SPRED2: variants seen among roughly 807,000 people sequenced by gnomAD.
SPRED2 encodes sprouty related EVH1 domain containing 2.
SPRED2 carries 47 observed loss-of-function variants against 43.0 expected under a neutral mutation model. The observed-to-expected ratio is 1.09, with a 90% CI of 0.87 to 1.40. SPRED2 has a LOEUF of 1.40. Among genes scored for constraint, SPRED2 ranks in the 40% most tolerant of loss-of-function variants. The pLI is 0.00. For missense variants in SPRED2, 561 were observed against 586.4 expected, an observed-to-expected ratio of 0.96 and a Z score of 0.45; for synonymous variants, 225 against 225.7, an observed-to-expected ratio of 1.00 and a Z score of 0.03.
intron 1 of SPRED2, among the ~76,000 whole-genome samples, chr2:65,349,392 C>T (rs999955472): frequency 6.6e-6 from 1 of 151,866 alleles, no homozygotes; most frequent in African/African-American, 2.4e-5. Context: ...TCCTTTCCCC[C>T]ACTCCAACCC....
At chr2:65,377,467 G>A (rs1468754028) in intron 1 of SPRED2, 4 of 402,382 alleles carry the variant, frequency 9.9e-6, no homozygotes, top group South Asian at 1.8e-5. Flanking sequence ...TCCTCTTGCC[G>A]ACCCCCCAAA....
At chr2:65,371,190 AT>A (rs5831752) in intron 1 of SPRED2, among the ~76,000 whole-genome samples, 36 of 151,946 alleles carry the variant, frequency 2.4e-4, no homozygotes, top group Middle Eastern at 3.4e-3. Context: ...CATACTGAAT[AT>A]TTTTTTTGGC....
At chr2:65,339,633 C>T (rs1165794300) in intron 2 of SPRED2, among the ~76,000 whole-genome samples, 3 of 151,012 alleles carry the variant, frequency 2.0e-5, no homozygotes, top group Non-Finnish European at 4.4e-5. Context: ...TGTCTGCTGA[C>T]CTTCCCTCCA....
At chr2:65,422,098 ACACACACTCTCT>A (rs1383338449) in intron 1 of SPRED2, among the ~76,000 whole-genome samples, 4 of 113,094 alleles carry the variant, frequency 3.5e-5, no homozygotes, top group Admixed American at 1.7e-4. Context: ...ACACACACAC[ACACACACTCTCT>A]CTCTCTCTCT....
intron 1 of SPRED2, among the ~76,000 whole-genome samples, chr2:65,425,030 A>T (rs766315081): frequency 6.6e-6 from 1 of 152,268 alleles, no homozygotes; most frequent in Non-Finnish European, 1.5e-5. Context: ...TGCGTATCTG[A>T]AAAGTCAGTA....
At chr2:65,429,348 C>T (rs1676626002) in intron 1 of SPRED2, among the ~76,000 whole-genome samples, 2 of 152,160 alleles carry the variant, frequency 1.3e-5, no homozygotes, top group South Asian at 4.1e-4. Flanking sequence ...AAGTAGCAAA[C>T]CCTGCCTGGT....
At chr2:65,409,015 C>T (rs111255337) in intron 1 of SPRED2, among the ~76,000 whole-genome samples, 4 of 152,168 alleles carry the variant, frequency 2.6e-5, no homozygotes, top group African/African-American at 9.7e-5. Context: ...ATTTACAGAT[C>T]ACCTCTTCAT....
Position 65,312,520 on chromosome 2 carries a change from G to A in SPRED2, c.*981C>T, listed in dbSNP as rs533513741. 156 of 985,364 alleles carry A rather than the reference G, an allele frequency of 1.6e-4. No individual in the cohort carries two copies. Among genetic ancestry groups the A allele is most frequent in the Admixed American group, 2.5e-4 (4 of 16,282 alleles). 61.0% of individuals were successfully genotyped at this position (985,364 alleles called of 1,614,324 possible). A position where few individuals can be genotyped will look rare whatever the true frequency, so the allele number is the denominator to read the frequency against. On this transcript the variant is annotated 3_prime_UTR_variant, in exon 6 of 6. Coordinates refer to ENST00000356388, the MANE Select transcript of SPRED2 (RefSeq NM_181784.3). ...AGTGTTTCTCAACTGGAACTTGTTC[G>A]TGGGAACACTGATTTGTGTTTGAGG...
At position 65,332,015 on chromosome 2, in the gene SPRED2, G is replaced by C. The variant is rs1673827121; in HGVS notation, c.410C>G (p.Ala137Gly). Residue 137 changes from alanine (A) to glycine (G), a missense_variant, in exon 4 of 6, where the codon GCT becomes GGT. Physicochemically the swap from Ala to Gly is moderately conservative, Grantham distance 60. Coordinates refer to ENST00000356388, the MANE Select transcript of SPRED2 (RefSeq NM_181784.3). ...TTSSSTIHNE[A>G]ELGDDDVFTT... ...AAAAACGTCATCATCGCCAAGCTCAGCTTCATTATGGATGGTGGAAGATGA... is the reference window on the plus strand; with the variant it reads ...AAAAACGTCATCATCGCCAAGCTCACCTTCATTATGGATGGTGGAAGATGA... 1.9e-6 allele frequency: 3 copies of C among 1,609,598 alleles called. No homozygotes were observed. The highest frequency in any genetic ancestry group is 2.7e-5 in the African/African-American group (2 of 74,930).
chr2:65,419,637 G>C (rs1324035983), intron 1 of SPRED2, among the ~76,000 whole-genome samples: 1 of 151,464 alleles, frequency 6.6e-6, no homozygotes, highest in African/African-American at 2.4e-5. Context: ...TGTGAGCCAA[G>C]AAAAATATAT....
At chr2:65,336,986 T>C (rs1308293239) in intron 2 of SPRED2, among the ~76,000 whole-genome samples, 1 of 152,124 alleles carries the variant, frequency 6.6e-6, no homozygotes, top group Non-Finnish European at 1.5e-5. Context: ...CGGGCACCTG[T>C]AGTCCCAGCT....
intron 1 of SPRED2, among the ~76,000 whole-genome samples, chr2:65,350,395 T>C (rs1459647600): frequency 6.6e-6 from 1 of 150,758 alleles, no homozygotes; most frequent in Non-Finnish European, 1.5e-5. Flanking sequence ...CTAGTGAAGC[T>C]CCAGCCAAGG....
intron 1 of SPRED2, among the ~76,000 whole-genome samples, chr2:65,401,101 G>A (rs2103722535): frequency 6.6e-6 from 1 of 151,708 alleles, no homozygotes; most frequent in African/African-American, 2.4e-5. Flanking sequence ...CTGAATAGCT[G>A]GAACTACAGA....
intron 1 of SPRED2, chr2:65,366,832 A>G (rs745609716): frequency 3.3e-6 from 4 of 1,207,934 alleles, no homozygotes; most frequent in Non-Finnish European, 4.1e-6. Context: ...CATTACTCAC[A>G]TTCAACATCC....
At chr2:65,346,868 C>CTCTT (rs1674364686) in intron 1 of SPRED2, among the ~76,000 whole-genome samples, 1 of 152,166 alleles carries the variant, frequency 6.6e-6, no homozygotes, top group East Asian at 1.9e-4. Context: ...GGCTCACTGA[C>CTCTT]TCTCCATCTC....
chr2:65,366,738 T>C, intron 1 of SPRED2: 1 of 1,484,578 alleles, frequency 6.7e-7, no homozygotes, highest in Non-Finnish European at 8.9e-7. Context: ...CCCCCATATA[T>C]GATTCAGTCT....
chr2:65,405,394 T>G (rs1051450359), intron 1 of SPRED2, among the ~76,000 whole-genome samples: 1 of 152,254 alleles, frequency 6.6e-6, no homozygotes, highest in Non-Finnish European at 1.5e-5. Context: ...GACAAATTGC[T>G]GCAAATCATC....
intron 1 of SPRED2, among the ~76,000 whole-genome samples, chr2:65,352,088 G>A (rs1237998009): frequency 6.6e-6 from 1 of 152,194 alleles, no homozygotes; most frequent in Non-Finnish European, 1.5e-5. Flanking sequence ...TGTTTGTGTG[G>A]TTAGGGTAGG....
At chr2:65,364,745 A>G (rs1325425473) in intron 1 of SPRED2, among the ~76,000 whole-genome samples, 1 of 152,202 alleles carries the variant, frequency 6.6e-6, no homozygotes, top group Non-Finnish European at 1.5e-5. Context: ...ATCCCTGACT[A>G]TAATCATTTA....
Sources: allele counts gnomAD v4.1 joint callset (sites outside exome capture counted in the v4.1 genomes callset), GRCh38; gene constraint gnomAD v4.1.1; transcripts MANE v1.5; gene names NCBI Gene and HGNC (gene_info 2026-07-23, HGNC 2026-07-21).